The following ANLN variants were observed in gnomAD, a reference collection of about 807,000 sequenced individuals.
The protein encoded by ANLN is anillin, actin binding protein, also known as anillin.
ANLN carries 59 observed loss-of-function variants against 135.1 expected under a neutral mutation model. The ratio of observed to expected loss-of-function variants is 0.44; its 90% CI spans 0.35 to 0.54. The LOEUF is 0.54. ANLN is among the 20% of genes least tolerant of loss of function. ANLN has a pLI of 0.00. For missense variants in ANLN, 1,182 were observed against 1,340.0 expected, an observed-to-expected ratio of 0.88 and a Z score of 1.84; for synonymous variants, 406 against 456.4, an observed-to-expected ratio of 0.89 and a Z score of 1.41.
chr7:36,393,352 A>G (rs1583586765), intron 1 of ANLN, among the ~76,000 whole-genome samples: 1 of 152,232 alleles, frequency 6.6e-6, no homozygotes, highest in Admixed American at 6.5e-5. Context: ...CTTACAGCCT[A>G]CAGTGTGGCC....
intron 7 of ANLN, among the ~76,000 whole-genome samples, chr7:36,412,108 C>T (rs1371093142): frequency 6.6e-6 from 1 of 151,650 alleles, no homozygotes; most frequent in African/African-American, 2.4e-5. Context: ...TTTACTGTGT[C>T]TTCCCTTCTG....
intron 8 of ANLN, 109 bp downstream of exon 8, chr7:36,415,993 TG>T (rs1562799110): frequency 1.0e-6 from 1 of 968,202 alleles, no homozygotes; most frequent in South Asian, 2.0e-5. Flanking sequence ...TAACGTTTTT[TG>T]GGGGGAATCT....
At chr7:36,424,167 AT>A (rs1267671748) in intron 15 of ANLN, among the ~76,000 whole-genome samples, 2 of 152,136 alleles carry the variant, frequency 1.3e-5, no homozygotes, top group Non-Finnish European at 2.9e-5. Context: ...GGTATTACAT[AT>A]TTTGAAATGA....
rs534079703 is a variant in ANLN at position 36,403,965 on chromosome 7, ATGTT to A, written c.488-2198_488-2195del. Among the ~76,000 whole-genome samples the A allele has an allele frequency of 3.4e-3, 513 of 151,342 alleles. 2 individuals carry two copies. Among genetic ancestry groups the A allele is most frequent in the African/African-American group, 0.012 (480 of 41,184 alleles). On this transcript the variant is annotated intron_variant, in intron 3 of 23. Coordinates refer to ENST00000265748, the MANE Select transcript of ANLN (RefSeq NM_018685.5). ...CATGAGCCCACCGCTCCTTGCCGGG[ATGTT>A]TGTTTGTTTGTTTGTTTATGAGAGG...
intron 20 of ANLN, among the ~76,000 whole-genome samples, chr7:36,435,531 A>G (rs573998829): frequency 1.3e-5 from 2 of 152,156 alleles, no homozygotes; most frequent in South Asian, 2.1e-4. Flanking sequence ...GAATCAAAGA[A>G]TGTGTACTCT....
intron 1 of ANLN, 46 bp from the exon 2 acceptor site, chr7:36,396,220 C>T: frequency 1.3e-6 from 2 of 1,494,322 alleles, no homozygotes; most frequent in South Asian, 1.3e-5. Context: ...TTTTATGAAC[C>T]TTTGATTAAA....
At chr7:36,404,577 G>C (rs1024560586) in intron 3 of ANLN, among the ~76,000 whole-genome samples, 6 of 152,106 alleles carry the variant, frequency 3.9e-5, no homozygotes, top group African/African-American at 1.4e-4. Flanking sequence ...TTTTACCATA[G>C]ATCTTAGCAA....
In ANLN at chr7:36,390,044, G is replaced by C. The variant is rs1554337799; in HGVS notation, c.18G>C (p.Glu6Asp). 6.2e-7 allele frequency: 1 copy of C among 1,613,940 alleles called. No homozygotes were observed. The highest frequency in any genetic ancestry group is 8.5e-7 in the Non-Finnish European group (1 of 1,179,968). The change falls in exon 1 of 24, where the codon GAG (glutamate) becomes GAC (aspartate). Residue 6 changes from glutamate (E) to aspartate (D), a missense_variant and splice_region_variant. Physicochemically the swap from Glu to Asp is conservative, Grantham distance 45. Coordinates refer to ENST00000265748, the MANE Select transcript of ANLN (RefSeq NM_018685.5). ...CTGGGGCGATGGATCCGTTTACGGA[G>C]GTGAGTGAGTTTGCGGGTGCAGCCA... is the stretch of plus-strand genomic sequence containing the variant. MDPFT[E>D]KLLERTRARR...
At chr7:36,431,891 C>A (rs1050177893) in intron 20 of ANLN, among the ~76,000 whole-genome samples, 1 of 151,764 alleles carries the variant, frequency 6.6e-6, no homozygotes, top group African/African-American at 2.4e-5. Context: ...TTTTCCCCCC[C>A]AGAATAGGGC....
rs1214490842 is a variant in ANLN at position 36,406,416 on chromosome 7, A to G, written c.723A>G (p.Ala241=). ...GTACLSKFSS[A]SGASARINSS... ...CTTGTTTATCCAAATTTTCCTCTGC[A>G]AGTGGAGCATCTGCTAGGATCAATA... The change falls in exon 4 of 24, where the codon GCA becomes GCG. Residue 241 remains alanine (A), a synonymous_variant. Transcript: ENST00000265748. 1 of 1,613,500 alleles carries G rather than the reference A, an allele frequency of 6.2e-7. No homozygotes were observed. Among genetic ancestry groups the G allele is most frequent in the African/African-American group, 1.3e-5 (1 of 74,938 alleles).
intron 21 of ANLN, 147 bp downstream of exon 21, chr7:36,439,437 T>G (rs1788675078): frequency 1.2e-5 from 7 of 579,254 alleles, no homozygotes; most frequent in Non-Finnish European, 2.1e-5. Flanking sequence ...CCAATCACTG[T>G]GCTGCCATTG....
At chr7:36,445,310 G>A (rs1788953208) in intron 22 of ANLN, among the ~76,000 whole-genome samples, 1 of 150,764 alleles carries the variant, frequency 6.6e-6, no homozygotes, top group Non-Finnish European at 1.5e-5. Flanking sequence ...AAAAAGTTTT[G>A]GATTTTGGAG....
In ANLN at chr7:36,439,280, G is replaced by C. The variant is rs747031560; in HGVS notation, c.2960G>C (p.Arg987Thr). ...CAAGTGAATTCCAGTGTTGAAGAAA[G>C]AGGTTTTCTAGTAAGTAACATCACT... ...KCQVNSSVEE[R>T]GFLTIFEDVS... The change falls in exon 21 of 24, where the codon AGA becomes ACA. Residue 987 changes from arginine (R) to threonine (T), a missense_variant. Physicochemically the swap from Arg to Thr is moderately conservative, Grantham distance 71. This residue lies in a region of ANLN where 82 missense variants were observed against 133.3 expected (regional missense o/e 0.62). Transcript: ENST00000265748. The C allele has an allele frequency of 6.4e-7, 1 of 1,558,940 alleles. No homozygotes were observed. The highest frequency in any genetic ancestry group is 2.3e-5 in the East Asian group (1 of 44,408).
At chr7:36,392,783 AT>A (rs1413200914) in intron 1 of ANLN, among the ~76,000 whole-genome samples, 3 of 151,878 alleles carry the variant, frequency 2.0e-5, no homozygotes, top group African/African-American at 7.3e-5. Context: ...TTTGAATCTA[AT>A]GTAAGCAATA....
At chr7:36,400,270 T>G (rs928391808) in intron 3 of ANLN, among the ~76,000 whole-genome samples, 6 of 152,230 alleles carry the variant, frequency 3.9e-5, no homozygotes, top group African/African-American at 1.2e-4. Flanking sequence ...CATGTGTCCT[T>G]AAATATGACT....
At chr7:36,412,783 A>G (rs1411738708) in intron 7 of ANLN, among the ~76,000 whole-genome samples, 3 of 152,214 alleles carry the variant, frequency 2.0e-5, no homozygotes, top group Non-Finnish European at 2.9e-5. Context: ...CTCCACAGGT[A>G]TGCTTCAGTC....
intron 20 of ANLN, chr7:36,428,321 AAG>A: frequency 7.8e-7 from 1 of 1,281,506 alleles, no homozygotes; most frequent in Non-Finnish European, 1.0e-6. Context: ...ATTATGATGT[AAG>A]AGAGCGAGAG....
chr7:36,444,193 G>A (rs1338445216), intron 22 of ANLN, among the ~76,000 whole-genome samples: 1 of 152,026 alleles, frequency 6.6e-6, no homozygotes, highest in Non-Finnish European at 1.5e-5. Flanking sequence ...AGGAGGCTGA[G>A]GCAGGAGAAT....
intron 20 of ANLN, 114 bp downstream of exon 20, chr7:36,427,142 A>G (rs1169385160): frequency 6.4e-6 from 4 of 628,274 alleles, no homozygotes; most frequent in African/African-American, 1.9e-5. Flanking sequence ...CTGAAAACAT[A>G]TGTTCTTAGA....
Sources: allele counts gnomAD v4.1 joint callset (sites outside exome capture counted in the v4.1 genomes callset), GRCh38; gene constraint gnomAD v4.1.1; regional missense constraint gnomAD v4.1.1; transcripts MANE v1.5; gene names NCBI Gene and HGNC (gene_info 2026-07-23, HGNC 2026-07-21).